The following RSF1 variants were observed in gnomAD, a reference collection of about 807,000 sequenced individuals.
The protein encoded by RSF1 is HBV pX-associated protein 8.
In RSF1, 13 loss-of-function variants were observed where a neutral mutation model predicts 145.2. The ratio of observed to expected loss-of-function variants is 0.09; its 90% confidence interval spans 0.06 to 0.14. The LOEUF is 0.14. RSF1 is among the 10% of genes least tolerant of loss of function. The pLI, the probability that RSF1 is intolerant of heterozygous loss-of-function variation, is 1.00. For missense variants in RSF1, 1,517 were observed against 1,718.2 expected, an observed-to-expected ratio of 0.88 and a Z score of 2.07; for synonymous variants, 577 against 592.6, an observed-to-expected ratio of 0.97 and a Z score of 0.38.
Position 77,770,120 on chromosome 11 carries a change from A to T in RSF1, c.188-5431T>A, listed in dbSNP as rs182742695. Among the ~76,000 whole-genome samples, 108 of 152,200 alleles carry T rather than the reference A, an allele frequency of 7.1e-4. 1 individual carries two copies. Among genetic ancestry groups the T allele is most frequent in the Non-Finnish European group, 2.2e-4 (15 of 68,030 alleles). On this transcript the variant is annotated intron_variant, in intron 1 of 15. Coordinates refer to ENST00000308488, the MANE Select transcript of RSF1 (RefSeq NM_016578.4). ...CATCCTAGTTTTCTGAAAAGCAAAG[A>T]AACAGCTCAAGACTATGAACTGTAA...
chr11:77,700,442 G>A (rs1256960097), intron 6 of RSF1, among the ~76,000 whole-genome samples: 6 of 150,506 alleles, frequency 4.0e-5, no homozygotes, highest in Non-Finnish European at 7.4e-5. Context: ...GTTAATAGTG[G>A]CAATGGGGAA....
chr11:77,767,763 C>T (rs970284986), intron 1 of RSF1, among the ~76,000 whole-genome samples: 4 of 152,220 alleles, frequency 2.6e-5, no homozygotes, highest in African/African-American at 9.6e-5. Context: ...GTCTGTATCA[C>T]TCATTAAGCA....
intron 4 of RSF1, among the ~76,000 whole-genome samples, chr11:77,730,853 C>T (rs564724938): frequency 1.3e-5 from 2 of 152,314 alleles, no homozygotes; most frequent in East Asian, 3.9e-4. Flanking sequence ...ATTTTGATGC[C>T]TCCCCAGCCA....
chr11:77,688,649 G>A (rs1278099264), intron 9 of RSF1, among the ~76,000 whole-genome samples: 1 of 152,186 alleles, frequency 6.6e-6, no homozygotes, highest in Non-Finnish European at 1.5e-5. Context: ...GTTTAGCTGG[G>A]TGTGGTGATG....
intron 1 of RSF1, among the ~76,000 whole-genome samples, chr11:77,811,665 C>T (rs1384029175): frequency 6.6e-6 from 1 of 152,214 alleles, no homozygotes. Flanking sequence ...CAACCTTTCA[C>T]ATCTTCAGAG....
the RSF1 span, chr11:77,870,003 C>T: frequency 2.2e-6 from 1 of 458,302 alleles, no homozygotes; most frequent in Non-Finnish European, 3.9e-6. Flanking sequence ...GTCTACCTAA[C>T]CCTGAGACAG....
At chr11:77,700,661 C>T (rs1296351005) in intron 6 of RSF1, 60 bp downstream of exon 6, 2 of 1,314,254 alleles carry the variant, frequency 1.5e-6, no homozygotes, top group Non-Finnish European at 2.0e-6. Context: ...TAGACAAAAC[C>T]AAAAAACCTA....
At chr11:77,837,014 T>C in the RSF1 span, among the ~76,000 whole-genome samples, 1 of 152,272 alleles carries the variant, frequency 6.6e-6, no homozygotes, top group African/African-American at 2.4e-5. Flanking sequence ...TCTTCTCTAC[T>C]GTAGTATTAG....
intron 11 of RSF1, among the ~76,000 whole-genome samples, chr11:77,682,015 C>T (rs552489857): frequency 6.8e-4 from 103 of 151,954 alleles, no homozygotes; most frequent in Non-Finnish European, 1.4e-3. Flanking sequence ...ATGGTTTTTC[C>T]TGTATAATTT....
intron 1 of RSF1, among the ~76,000 whole-genome samples, chr11:77,807,754 G>T (rs961181380): frequency 6.6e-6 from 1 of 152,182 alleles, no homozygotes; most frequent in Non-Finnish European, 1.5e-5. Flanking sequence ...CATTGTTAAG[G>T]CCTAGGCATG....
chr11:77,840,301 G>A, the RSF1 span, among the ~76,000 whole-genome samples: 2 of 152,288 alleles, frequency 1.3e-5, no homozygotes, highest in Middle Eastern at 6.8e-3. Flanking sequence ...GGCCAAGGCA[G>A]GTGGATCACC....
At chr11:77,790,746 G>A (rs1948508872) in intron 1 of RSF1, among the ~76,000 whole-genome samples, 1 of 152,078 alleles carries the variant, frequency 6.6e-6, no homozygotes, top group African/African-American at 2.4e-5. Flanking sequence ...AAATCCAGTG[G>A]GACAGTCAAA....
intron 15 of RSF1, among the ~76,000 whole-genome samples, chr11:77,668,543 T>G (rs12575150): frequency 0.13 from 19,695 of 152,154 alleles, 1,456 homozygotes; most frequent in Admixed American, 0.2. Flanking sequence ...GTCTATATAG[T>G]TGGGCCCCCC....
intron 4 of RSF1, among the ~76,000 whole-genome samples, chr11:77,732,846 C>T (rs899008878): frequency 1.2e-4 from 19 of 152,160 alleles, no homozygotes; most frequent in Non-Finnish European, 2.5e-4. Context: ...AGCATGAAAA[C>T]GGACTAATAC....
Position 77,683,701 on chromosome 11 carries a change from A to T in RSF1, c.3065+9T>A. ...TCTTTTGCTGTAGACATTTCCATACACTTCATACCTGTAGCTTATACATTT... is the reference window on the plus strand; with the variant it reads ...TCTTTTGCTGTAGACATTTCCATACTCTTCATACCTGTAGCTTATACATTT... On this transcript the variant is annotated intron_variant, in intron 11 of 15. Transcript: ENST00000308488. 1 of 1,582,258 alleles carries T rather than the reference A, an allele frequency of 6.3e-7. No homozygotes were observed. The highest frequency in any genetic ancestry group is 8.7e-7 in the Non-Finnish European group (1 of 1,153,496).
chr11:77,771,594 T>G (rs143616258), intron 1 of RSF1, among the ~76,000 whole-genome samples: 1 of 152,186 alleles, frequency 6.6e-6, no homozygotes, highest in Non-Finnish European at 1.5e-5. Flanking sequence ...GATTTAAGTT[T>G]TTAAAAGATC....
the RSF1 span, among the ~76,000 whole-genome samples, chr11:77,832,820 C>T: frequency 1.3e-5 from 2 of 151,742 alleles, no homozygotes; most frequent in Non-Finnish European, 2.9e-5. Context: ...TGCTCTGTAA[C>T]AGCAGTCCCT....
At chr11:77,803,279 C>G (rs1278957492) in intron 1 of RSF1, among the ~76,000 whole-genome samples, 1 of 152,082 alleles carries the variant, frequency 6.6e-6, no homozygotes, top group Non-Finnish European at 1.5e-5. Flanking sequence ...CCCCAAGTAA[C>G]CAGGACTACA....
At chr11:77,766,679 A>T (rs1397896623) in intron 1 of RSF1, among the ~76,000 whole-genome samples, 1 of 152,236 alleles carries the variant, frequency 6.6e-6, no homozygotes, top group Non-Finnish European at 1.5e-5. Context: ...AACTGGAGGA[A>T]TGGACATAGA....
Sources: gnomAD v4.1 joint callset for allele counts (sites outside exome capture counted in the v4.1 genomes callset) on GRCh38, gnomAD v4.1.1 for gene constraint, MANE v1.5 for transcripts, NCBI Gene and HGNC (gene_info 2026-07-23, HGNC 2026-07-21) for gene names.